SNX29: variants seen among roughly 807,000 people sequenced by gnomAD.
SNX29 encodes the protein sorting nexin 29, also known as sorting nexin-29.
SNX29 carries 78 observed loss-of-function variants against 102.1 expected under a neutral mutation model. The observed-to-expected ratio is 0.76, with a 90% confidence interval of 0.64 to 0.92. The LOEUF is 0.92. Among genes scored for constraint, SNX29 ranks in the 40% least tolerant of loss-of-function variants. The pLI, the probability that SNX29 is intolerant of heterozygous loss-of-function variation, is 0.00. For missense variants in SNX29, 1,280 were observed against 1,061.7 expected (o/e 1.21, Z -2.86); for synonymous variants, 580 against 414.5 (o/e 1.40, Z -4.85).
chr16:12,455,858 GT>G (rs2086515630), intron 18 of SNX29, among the ~76,000 whole-genome samples: 1 of 152,016 alleles, frequency 6.6e-6, no homozygotes, highest in African/African-American at 2.4e-5. Flanking sequence ...TTGCCTTCTT[GT>G]TTCCTTCTCT....
chr16:12,045,265 C>G (rs970102174), intron 5 of SNX29, among the ~76,000 whole-genome samples: 4 of 152,184 alleles, frequency 2.6e-5, no homozygotes, highest in Non-Finnish European at 5.9e-5. Flanking sequence ...TTTTTCCAGT[C>G]TCTCACTCAA....
chr16:12,170,735 T>TGTGA (rs751394378), intron 13 of SNX29, among the ~76,000 whole-genome samples: 40 of 150,020 alleles, frequency 2.7e-4, no homozygotes, highest in East Asian at 2.0e-4. Context: ...GAGGAGGCTG[T>TGTGA]GTGAGTGAGT....
At chr16:12,492,901 G>T (rs1203485095) in intron 19 of SNX29, among the ~76,000 whole-genome samples, 2 of 152,112 alleles carry the variant, frequency 1.3e-5, no homozygotes, top group African/African-American at 2.4e-5. Context: ...TTTCTGTTTT[G>T]GTACCAGTAA....
chr16:12,244,569 C>T (rs1051745608), intron 14 of SNX29, among the ~76,000 whole-genome samples: 1 of 151,984 alleles, frequency 6.6e-6, no homozygotes, highest in African/African-American at 2.4e-5. Context: ...GAGATCATGC[C>T]ATTGCACTCC....
intron 15 of SNX29, among the ~76,000 whole-genome samples, chr16:12,309,431 C>T (rs1488581246): frequency 6.6e-6 from 1 of 152,210 alleles, no homozygotes; most frequent in Non-Finnish European, 1.5e-5. Context: ...GATCCCCCCA[C>T]AAGTAACCTG....
chr16:12,568,402 G>A lies in SNX29; in HGVS notation c.2319-104G>A, dbSNP rs951403732. ...CAGATCCAATGAGCCAGTCACAGTT[G>A]CCAATCAGATCCCTCCTGCCCTCAC... On this transcript the variant is annotated intron_variant, in intron 20 of 20. Transcript: ENST00000566228. The A allele has an allele frequency of 9.5e-6, 14 of 1,470,998 alleles. No homozygotes were observed. In the African/African-American group the frequency reaches 1.3e-4, roughly 13 times the overall value. The allele number at this position is 1,470,998 out of a possible 1,614,324, so 91.1% of individuals were successfully genotyped here.
intron 18 of SNX29, among the ~76,000 whole-genome samples, chr16:12,435,039 C>A (rs547028842): frequency 1.3e-5 from 2 of 152,112 alleles, no homozygotes; most frequent in African/African-American, 4.8e-5. Context: ...GGTCATATAC[C>A]AGGAGCTTGA....
intron 18 of SNX29, among the ~76,000 whole-genome samples, chr16:12,460,252 T>A (rs914164839): frequency 5.3e-5 from 8 of 152,206 alleles, no homozygotes; most frequent in African/African-American, 1.9e-4. Flanking sequence ...GCTGAAACTT[T>A]CCTTCAGAGG....
intron 16 of SNX29, among the ~76,000 whole-genome samples, chr16:12,357,120 A>G (rs1372412645): frequency 6.6e-6 from 1 of 152,152 alleles, no homozygotes; most frequent in Non-Finnish European, 1.5e-5. Context: ...GCAGACATAT[A>G]ATAGCTTCCT....
intron 11 of SNX29, among the ~76,000 whole-genome samples, chr16:12,120,743 A>G (rs2053938201): frequency 6.6e-6 from 1 of 152,126 alleles, no homozygotes; most frequent in Non-Finnish European, 1.5e-5. Context: ...TTGAGCATTC[A>G]TGTGGTCACT....
chr16:12,560,471 GTCACACTTACC>G (rs1399824494), intron 20 of SNX29, among the ~76,000 whole-genome samples: 1 of 152,156 alleles, frequency 6.6e-6, no homozygotes, highest in Non-Finnish European at 1.5e-5. Context: ...TTGCCTGGGA[GTCACACTTACC>G]TCCTGCTTTT....
At chr16:12,230,483 G>A (rs17696938) in intron 14 of SNX29, among the ~76,000 whole-genome samples, 5,000 of 152,342 alleles carry the variant, frequency 0.033, 221 homozygotes, top group East Asian at 0.19. Flanking sequence ...CAGCTTGTTT[G>A]TGGAAACTGG....
intron 3 of SNX29, among the ~76,000 whole-genome samples, chr16:12,012,609 AT>A (rs2056691174): frequency 6.6e-6 from 1 of 151,942 alleles, no homozygotes; most frequent in South Asian, 2.1e-4. Context: ...AGGTTTCACC[AT>A]GTTGGCCAGG....
At chr16:12,550,253 T>C (rs943808417) in intron 20 of SNX29, among the ~76,000 whole-genome samples, 1 of 152,128 alleles carries the variant, frequency 6.6e-6, no homozygotes, top group Non-Finnish European at 1.5e-5. Context: ...ATAGCAAATA[T>C]GGGCCAGACA....
intron 17 of SNX29, among the ~76,000 whole-genome samples, chr16:12,398,911 G>A (rs1271703376): frequency 6.6e-6 from 1 of 152,180 alleles, no homozygotes; most frequent in East Asian, 1.9e-4. Context: ...GCCTGGAAGT[G>A]ACCGACTTCA....
At chr16:12,476,381 A>AT (rs2087610616) in intron 18 of SNX29, among the ~76,000 whole-genome samples, 16 of 15,924 alleles carry the variant, frequency 1.0e-3, no homozygotes, top group African/African-American at 2.0e-3. Flanking sequence ...AAAAAAAAAA[A>AT]AAATATATAT....
chr16:12,040,613 G>A (rs547422053), intron 4 of SNX29, among the ~76,000 whole-genome samples: 1 of 152,172 alleles, frequency 6.6e-6, no homozygotes, highest in Non-Finnish European at 1.5e-5. Flanking sequence ...TTATGTATAG[G>A]GGTGTTCTTT....
intron 11 of SNX29, among the ~76,000 whole-genome samples, chr16:12,095,549 T>C (rs2052732063): frequency 6.6e-6 from 1 of 152,202 alleles, no homozygotes. Flanking sequence ...CTGTTCACCA[T>C]CAGTATAGCA....
intron 15 of SNX29, among the ~76,000 whole-genome samples, chr16:12,290,034 C>A (rs7189945): frequency 0.63 from 96,248 of 151,884 alleles, 31,676 homozygotes; most frequent in African/African-American, 0.8. Flanking sequence ...TGAGACAGGG[C>A]GGAGGGAGGG....
Sources: allele counts gnomAD v4.1 joint callset (sites outside exome capture counted in the v4.1 genomes callset), GRCh38; gene constraint gnomAD v4.1.1; transcripts MANE v1.5; gene names NCBI Gene and HGNC (gene_info 2026-07-23, HGNC 2026-07-21).